Variants in CETP observed in about 807,000 individuals in gnomAD.
CETP encodes BPI fold containing family F.
In CETP, 56 loss-of-function variants were observed where a neutral mutation model predicts 66.5. The ratio of observed to expected loss-of-function variants is 0.84; its 90% CI spans 0.68 to 1.05. CETP has a LOEUF of 1.05. Among genes scored for constraint, CETP ranks in the 50% least tolerant of loss-of-function variants. The pLI, the probability that CETP is intolerant of heterozygous loss-of-function variation, is 0.00. For missense variants in CETP, 612 were observed against 609.6 expected (o/e 1.00, Z -0.04); for synonymous variants, 251 against 245.7 (o/e 1.02, Z -0.20).
At chr16:56,972,405 C>T (rs1006536605) in intron 8 of CETP, among the ~76,000 whole-genome samples, 22 of 152,152 alleles carry the variant, frequency 1.4e-4, no homozygotes, top group Admixed American at 1.4e-3. Context: ...CCAGGGGGTA[C>T]TGACAAAAGC....
chr16:56,977,332 G>A (rs1485838905), intron 10 of CETP, among the ~76,000 whole-genome samples: 4 of 152,092 alleles, frequency 2.6e-5, no homozygotes, highest in Admixed American at 2.0e-4. Flanking sequence ...GGCTGTAATC[G>A]AAGGTCCTCA....
intron 2 of CETP, among the ~76,000 whole-genome samples, chr16:56,964,808 G>GT (rs2056054406): frequency 6.6e-6 from 1 of 152,228 alleles, no homozygotes; most frequent in Non-Finnish European, 1.5e-5. Flanking sequence ...CACGCCCTCT[G>GT]TGTGACCTTG....
rs2056110316 is a variant in CETP at position 56,971,512 on chromosome 16, TTGA to T, written c.658+136_658+138del. On this transcript the variant is annotated intron_variant, in intron 7 of 15. Transcript: ENST00000200676. ...CATGGGCTCTATCTGGCTCTGACACTTGATGATTAGTTATGAGCATACTTTGGC... is the reference window on the plus strand; with the variant it reads ...CATGGGCTCTATCTGGCTCTGACACTTGATTAGTTATGAGCATACTTTGGC... The T allele has an allele frequency of 2.2e-5, 19 of 853,100 alleles. No individual in the cohort carries two copies. In the East Asian group the frequency reaches 4.3e-4, roughly 19 times the overall value. The allele number at this position is 853,100 out of a possible 1,614,324, so 52.8% of individuals were successfully genotyped here. A position where few individuals can be genotyped will look rare whatever the true frequency, so the allele number is the denominator to read the frequency against.
intron 10 of CETP, among the ~76,000 whole-genome samples, chr16:56,976,985 T>C (rs2056154288): frequency 6.6e-6 from 1 of 152,204 alleles, no homozygotes; most frequent in South Asian, 2.1e-4. Context: ...CTCAGCTCAC[T>C]GCAACCTACG....
In CETP at chr16:56,983,572, C is replaced by T. The variant is rs35928970; in HGVS notation, c.1408-20C>T. The T allele has an allele frequency of 8.2e-5, 133 of 1,614,066 alleles. No individual in the cohort carries two copies. The highest frequency in any genetic ancestry group is 1.1e-4 in the Non-Finnish European group (125 of 1,179,918). On this transcript the variant is annotated intron_variant, in intron 15 of 15. Coordinates refer to ENST00000200676, the MANE Select transcript of CETP (RefSeq NM_000078.3). ...GAGTCAGCCCAGCTCGCCCCTCTCT[C>T]CTACTGCCCCTCCCTTCAGGGCTTC...
intron 5 of CETP, 137 bp downstream of exon 5, chr16:56,970,138 G>A (rs1272248725): frequency 8.0e-6 from 6 of 753,998 alleles, no homozygotes; most frequent in Non-Finnish European, 1.4e-5. Context: ...CCTTCAGTGG[G>A]GTCACTTCCT....
chr16:56,972,146 G>A lies in CETP; in HGVS notation c.750+63G>A. 4.6e-6 allele frequency: 6 copies of A among 1,300,562 alleles called. No homozygotes were observed. The South Asian group carries it at 7.1e-5, about 15-fold the overall frequency. 80.6% of individuals were successfully genotyped at this position (1,300,562 alleles called of 1,614,324 possible). On this transcript the variant is annotated intron_variant, in intron 8 of 15. Coordinates refer to ENST00000200676, the MANE Select transcript of CETP (RefSeq NM_000078.3). The stretch of plus-strand genomic sequence containing the variant: ...CCCAGGGGAGTTGGTCCTTTTTTGT[G>A]CTCTGACAACCCCGTCCCCCAGCTT...
intron 8 of CETP, among the ~76,000 whole-genome samples, 159 bp downstream of exon 8, chr16:56,972,242 T>A (rs1479224389): frequency 1.3e-5 from 2 of 152,168 alleles, no homozygotes; most frequent in Non-Finnish European, 2.9e-5. Context: ...TTCCTGATGC[T>A]GCGAGGAGGG....
chr16:56,962,553 C>G (rs2056031697), intron 1 of CETP, among the ~76,000 whole-genome samples: 1 of 152,122 alleles, frequency 6.6e-6, no homozygotes, highest in South Asian at 2.1e-4. Flanking sequence ...CTCCCCTGCC[C>G]TCTCTGGGCC....
rs772059097 is a variant in CETP, at chr16:56,973,559, T to C, written c.930+49T>C. On this transcript the variant is annotated intron_variant, in intron 9 of 15. Transcript: ENST00000200676. ...TAGGGGATCCAGATGGCATGTGGTA[T>C]GTGTGTGTGTGCACACGCATGGGGA... is the stretch of plus-strand genomic sequence containing the variant. 134 of 1,544,838 alleles carry C rather than the reference T, an allele frequency of 8.7e-5. No individual in the cohort carries two copies. In the Middle Eastern group the frequency reaches 1.4e-3, roughly 16 times the overall value.
At position 56,970,028 on chromosome 16, in the gene CETP, T is replaced by A. The variant is rs781374059; in HGVS notation, c.527+27T>A. On this transcript the variant is annotated intron_variant, in intron 5 of 15. Transcript: ENST00000200676. ...TAAGTACACCACCCTGTGGCCCCCA[T>A]TCCTGCTCGTGCCCATCCTGTTAGT... The A allele has an allele frequency of 3.1e-6, 5 of 1,599,586 alleles. No individual in the cohort carries two copies. In the East Asian group the frequency reaches 1.1e-4, roughly 36 times the overall value.
In CETP at chr16:56,981,643, T is replaced by A. The variant is rs764280431; in HGVS notation, c.1215-4T>A. The A allele has an allele frequency of 6.2e-7, 1 of 1,613,972 alleles. No individual in the cohort carries two copies. The highest frequency in any genetic ancestry group is 2.2e-5 in the East Asian group (1 of 44,888). ...GTCAAATTATCATCGCTTTTTTATT[T>A]CAGGATTACACCAAAGACTGTTTCC... On this transcript the variant is annotated splice_region_variant and splice_polypyrimidine_tract_variant and intron_variant, in intron 12 of 15. Transcript: ENST00000200676.
rs760335739 is a variant in CETP at position 56,973,309 on chromosome 16, C to T, written c.751-22C>T. The T allele has an allele frequency of 8.1e-6, 13 of 1,613,700 alleles. No individual in the cohort carries two copies. The East Asian group carries it at 2.5e-4, about 30-fold the overall frequency. On this transcript the variant is annotated intron_variant, in intron 8 of 15. Coordinates refer to ENST00000200676, the MANE Select transcript of CETP (RefSeq NM_000078.3). ...CCCAGTAGGGACACACAGGGTCCAG[C>T]CAGCGTCCTGGCTTCCTCCAGGGTC...
At chr16:56,975,668 C>T (rs2056144247) in intron 10 of CETP, among the ~76,000 whole-genome samples, 1 of 152,172 alleles carries the variant, frequency 6.6e-6, no homozygotes, top group South Asian at 2.1e-4. Context: ...CACTAAGAAC[C>T]CATGATCTCC....
chr16:56,970,930 G>T (rs1431036851), intron 5 of CETP, 103 bp from the exon 6 acceptor site: 3 of 1,049,186 alleles, frequency 2.9e-6, no homozygotes, highest in African/African-American at 3.1e-5. Context: ...TGAGCTACAA[G>T]AGTCAGGGCC....
intron 7 of CETP, 119 bp from the exon 8 acceptor site, chr16:56,971,873 C>T (rs530833923): frequency 1.1e-6 from 1 of 880,132 alleles, no homozygotes; most frequent in African/African-American, 1.6e-5. Flanking sequence ...ACCCAGGTCC[C>T]ACTTTACAGA....
rs1392844863 is a variant in CETP at position 56,981,657 on chromosome 16, A to AAGACT, written c.1226_1230dup (p.Val411ArgfsTer6). ...GCTTTTTTATTTCAGGATTACACCA[A>AAGACT]AGACTGTTTCCAACTTGACTGAGGT... On this transcript the variant is annotated frameshift_variant, in exon 13 of 16. Transcript: ENST00000200676. LOFTEE classifies it high-confidence loss of function. 2 of 1,613,986 alleles carry AAGACT rather than the reference A, an allele frequency of 1.2e-6. No homozygotes were observed. Among genetic ancestry groups the AAGACT allele is most frequent in the East Asian group, 2.2e-5 (1 of 44,892 alleles).
chr16:56,979,580 G>C (rs574605002), intron 11 of CETP, among the ~76,000 whole-genome samples: 2 of 150,592 alleles, frequency 1.3e-5, no homozygotes, highest in South Asian at 4.2e-4. Context: ...GTGCAATCTC[G>C]GCTCACTGCA....
chr16:56,982,309 C>G (rs555139091), intron 14 of CETP, 72 bp downstream of exon 14: 48 of 1,441,100 alleles, frequency 3.3e-5, no homozygotes, highest in African/African-American at 4.2e-5. Context: ...GTGGGCCCTT[C>G]CCAGGCAGAG....
Sources: allele counts gnomAD v4.1 joint callset (sites outside exome capture counted in the v4.1 genomes callset), GRCh38; gene constraint gnomAD v4.1.1; transcripts MANE v1.5; gene names NCBI Gene and HGNC (gene_info 2026-07-23, HGNC 2026-07-21).